The following RBM26 variants were observed in gnomAD, a reference collection of about 807,000 sequenced individuals.
RBM26 encodes RNA binding motif protein 26.
In RBM26, 30 loss-of-function variants were observed where a neutral mutation model predicts 123.6. The observed-to-expected ratio is 0.24, with a 90% CI of 0.18 to 0.33. The LOEUF (loss-of-function observed/expected upper bound fraction) is 0.33. Ranked by LOEUF, RBM26 falls within the 10% of genes least tolerant of loss-of-function variation. RBM26 has a pLI of 1.00. For missense variants in RBM26, 947 were observed against 1,203.6 expected (o/e 0.79, Z 3.15); for synonymous variants, 400 against 404.4 (o/e 0.99, Z 0.13).
Position 79,342,796 on chromosome 13 carries a change from C to T in RBM26, c.2295G>A (p.Met765Ile), listed in dbSNP as rs1221907008. ...TTATTTCTGCTTTATCTTCAGACTT[C>T]ATTGTTTTGTTTTTCTCCAGTTTTG... ...LISKLEKNKT[M>I]KSEDKAEIMK... The change falls in exon 17 of 22, where the codon ATG becomes ATA. Residue 765 changes from methionine (M) to isoleucine (I), a missense_variant. Transcript: ENST00000438737. 6.3e-7 allele frequency: 1 copy of T among 1,599,404 alleles called. No homozygotes were observed.
chr13:79,398,217 A>G (rs932627652), intron 1 of RBM26, among the ~76,000 whole-genome samples: 3 of 152,234 alleles, frequency 2.0e-5, no homozygotes, highest in South Asian at 2.1e-4. Flanking sequence ...AGGGAAAAAA[A>G]TCTTACAAGC....
intron 20 of RBM26, among the ~76,000 whole-genome samples, chr13:79,325,791 G>C (rs901488411): frequency 1.3e-5 from 2 of 152,086 alleles, no homozygotes; most frequent in Non-Finnish European, 2.9e-5. Flanking sequence ...TAATGTTCTA[G>C]GCCTTTACAT....
rs986330530 is a variant in RBM26, at chr13:79,400,471, C to A, written c.71+5233G>T. Among the ~76,000 whole-genome samples the A allele has an allele frequency of 2.6e-5, 4 of 152,316 alleles. No homozygotes were observed. In the South Asian group the frequency reaches 6.2e-4, roughly 24 times the overall value. On this transcript the variant is annotated intron_variant, in intron 1 of 21. Coordinates refer to ENST00000438737, the MANE Select transcript of RBM26 (RefSeq NM_001366735.2). ...TTTATAAAGGCATTAATCCAATCAA[C>A]AAAGGCAGAGCCCTCGTGACCTAAT... is the stretch of plus-strand genomic sequence containing the variant.
chr13:79,402,792 C>A (rs1421708424), intron 1 of RBM26, among the ~76,000 whole-genome samples: 4 of 152,070 alleles, frequency 2.6e-5, no homozygotes, highest in Non-Finnish European at 4.4e-5. Flanking sequence ...TCCTGATGTT[C>A]CCAGACTTCA....
intron 11 of RBM26, 105 bp from the exon 12 acceptor site, chr13:79,355,489 T>A: frequency 1.2e-6 from 1 of 811,006 alleles, no homozygotes; most frequent in East Asian, 2.6e-5. Context: ...AGTAAGATTC[T>A]GTATTTATAC....
Position 79,405,817 on chromosome 13 carries a change from G to C in RBM26, c.-43C>G, listed in dbSNP as rs781005517. Reference sequence around the variant, plus strand: ...CCCGTCACACTCCTCCGCCCGCCCAGGTCGCGGCCGCTACAGCCGCCGCTG... The same window carrying C: ...CCCGTCACACTCCTCCGCCCGCCCACGTCGCGGCCGCTACAGCCGCCGCTG... On this transcript the variant is annotated 5_prime_UTR_variant, in exon 1 of 22. Transcript: ENST00000438737. The C allele has an allele frequency of 8.3e-6, 11 of 1,328,622 alleles. No individual in the cohort carries two copies. Among genetic ancestry groups the C allele is most frequent in the Non-Finnish European group, 1.0e-5 (10 of 981,926 alleles). 82.3% of individuals were successfully genotyped at this position (1,328,622 alleles called of 1,614,324 possible). A position where few individuals can be genotyped will look rare whatever the true frequency, so the allele number is the denominator to read the frequency against.
intron 3 of RBM26, 43 bp downstream of exon 3, chr13:79,377,336 T>C (rs778344944): frequency 6.4e-7 from 1 of 1,554,710 alleles, no homozygotes; most frequent in African/African-American, 1.4e-5. Context: ...TTATTCCTCT[T>C]ATGTGTTTAA....
exon 5 of RBM26, chr13:79,312,342 CATGA>C (rs1383104640): frequency 3.9e-5 from 6 of 152,046 alleles, no homozygotes; most frequent in Non-Finnish European, 5.9e-5. Flanking sequence ...AGCAGGCATC[CATGA>C]ATGCTTTGCT....
chr13:79,334,496 T>C (rs566466210), intron 19 of RBM26, 66 bp from the exon 20 acceptor site: 2 of 862,836 alleles, frequency 2.3e-6, no homozygotes, highest in African/African-American at 1.8e-5. Context: ...ATCCTAATGG[T>C]ATTAAAAAAC....
At position 79,337,025 on chromosome 13, in the gene RBM26, T is replaced by C; in HGVS notation, c.2733+77A>G. Reference sequence around the variant, plus strand: ...GTTGAAATTACTTATGTCCTTTTCATAACTTCCTCTTTAATTATGTCTACT... The same window carrying C: ...GTTGAAATTACTTATGTCCTTTTCACAACTTCCTCTTTAATTATGTCTACT... On this transcript the variant is annotated intron_variant, in intron 19 of 21. Transcript: ENST00000438737. 8 of 1,335,710 alleles carry C rather than the reference T, an allele frequency of 6.0e-6. No individual in the cohort carries two copies. The South Asian group carries it at 7.5e-5, about 13-fold the overall frequency. The allele number at this position is 1,335,710 out of a possible 1,614,324, so 82.7% of individuals were successfully genotyped here.
chr13:79,346,860 A>G (rs2072419615), intron 14 of RBM26, among the ~76,000 whole-genome samples: 1 of 152,240 alleles, frequency 6.6e-6, no homozygotes, highest in African/African-American at 2.4e-5. Flanking sequence ...ATTAAGTTTC[A>G]CAAACTGTTT....
chr13:79,320,777 A>G, intron 21 of RBM26, 67 bp from the exon 22 acceptor site: 1 of 1,342,374 alleles, frequency 7.4e-7, no homozygotes, highest in East Asian at 2.5e-5. Context: ...AAAAGGTGAC[A>G]CTTTTAAATA....
intron 18 of RBM26, among the ~76,000 whole-genome samples, chr13:79,340,606 G>T (rs911490992): frequency 1.3e-5 from 2 of 151,690 alleles, no homozygotes; most frequent in Admixed American, 6.6e-5. Flanking sequence ...ATTTCACTAG[G>T]AGTTGTTTCT....
At chr13:79,402,584 A>T (rs2079143380) in intron 1 of RBM26, among the ~76,000 whole-genome samples, 1 of 152,028 alleles carries the variant, frequency 6.6e-6, no homozygotes, top group Non-Finnish European at 1.5e-5. Flanking sequence ...GGAGCTTTCC[A>T]CTGCCATTCT....
chr13:79,366,931 C>A, intron 6 of RBM26, 59 bp from the exon 7 acceptor site: 4 of 1,380,482 alleles, frequency 2.9e-6, no homozygotes, highest in South Asian at 1.7e-5. Flanking sequence ...TATATTTTCT[C>A]TAAGTTAGCA....
intron 3 of RBM26, among the ~76,000 whole-genome samples, chr13:79,373,659 T>C (rs1178392478): frequency 1.9e-5 from 2 of 107,822 alleles, no homozygotes; most frequent in Non-Finnish European, 3.6e-5. Context: ...TATTTATATA[T>C]TTATATATTA....
chr13:79,344,658 G>C lies in RBM26; in HGVS notation c.2184+11C>G. ...TGCAAAAATTTTTTATACTATACCA[G>C]TTGTACTTACCTGTTTTTTTTTCTG... On this transcript the variant is annotated intron_variant, in intron 15 of 21. Transcript: ENST00000438737. 1 of 1,607,980 alleles carries C rather than the reference G, an allele frequency of 6.2e-7. No individual in the cohort carries two copies.
chr13:79,326,863 AAG>A (rs2068499566), intron 20 of RBM26, among the ~76,000 whole-genome samples: 2 of 152,100 alleles, frequency 1.3e-5, no homozygotes. Context: ...AAAGAAAAAG[AAG>A]AGACTTTAGT....
chr13:79,379,704 A>G (rs1039473603), intron 1 of RBM26, among the ~76,000 whole-genome samples: 1 of 152,068 alleles, frequency 6.6e-6, no homozygotes, highest in East Asian at 1.9e-4. Context: ...AACAGAACAA[A>G]AAAAAAAACT....
Sources: allele counts gnomAD v4.1 joint callset (sites outside exome capture counted in the v4.1 genomes callset), GRCh38; gene constraint gnomAD v4.1.1; transcripts MANE v1.5; gene names NCBI Gene and HGNC (gene_info 2026-07-23, HGNC 2026-07-21).